The following GAD1 variants were observed in gnomAD, a reference collection of about 807,000 sequenced individuals.
The protein encoded by GAD1 is glutamate decarboxylase 1, also known as 67 kDa glutamic acid decarboxylase.
In GAD1, 35 loss-of-function variants were observed where a neutral mutation model predicts 75.2. The observed-to-expected ratio is 0.47, with a 90% CI of 0.36 to 0.62. The LOEUF (loss-of-function observed/expected upper bound fraction) is 0.62, where lower values mean the gene tolerates loss of function less well. Ranked by LOEUF, GAD1 falls within the 20% of genes least tolerant of loss-of-function variation. The pLI is 0.00. For synonymous variants in GAD1, 257 were observed against 271.9 expected, an observed-to-expected ratio of 0.95 and a Z score of 0.54; for missense variants, 490 against 758.5, an observed-to-expected ratio of 0.65 and a Z score of 4.16.
At position 170,822,134 on chromosome 2, in the gene GAD1, G is replaced by C. The variant is rs757217369; in HGVS notation, c.130G>C (p.Gly44Arg). ...GGCCCATGGATGCACCAGAAAACTG[G>C]GGCTCAAGATCTGCGGTAAGTGACA... ...GVAHGCTRKL[G>R]LKICGFLQRT... is the part of the protein sequence containing the mutation. Residue 44 changes from glycine (G) to arginine (R), a missense_variant, in exon 3 of 17, where the codon GGG becomes CGG. By Grantham distance (125) the Gly-to-Arg change is moderately radical. Coordinates refer to ENST00000358196, the MANE Select transcript of GAD1 (RefSeq NM_000817.3). 3.1e-6 allele frequency: 5 copies of C among 1,612,622 alleles called. No homozygotes were observed. The South Asian group carries it at 4.4e-5, about 14-fold the overall frequency.
chr2:170,821,831 A>G (rs1575423440), intron 2 of GAD1: 2 of 523,998 alleles, frequency 3.8e-6, no homozygotes, highest in Non-Finnish European at 6.9e-6. Flanking sequence ...ACGGGCCCGG[A>G]GGGGCGCCGG....
At chr2:170,839,930 A>T (rs1575438283) in intron 6 of GAD1, among the ~76,000 whole-genome samples, 2 of 152,340 alleles carry the variant, frequency 1.3e-5, no homozygotes, top group African/African-American at 4.8e-5. Context: ...TTTTCATAGA[A>T]AATATCCAGG....
chr2:170,815,407 C>T (rs1575418010), upstream of GAD1, among the ~76,000 whole-genome samples: 1 of 152,212 alleles, frequency 6.6e-6, no homozygotes, highest in Non-Finnish European at 1.5e-5. Flanking sequence ...TTATTTCAAA[C>T]CCCACAGCGA....
rs1021128997 is a variant in GAD1, at chr2:170,822,080, G to T, written c.83-7G>T. 1 of 1,606,432 alleles carries T rather than the reference G, an allele frequency of 6.2e-7. No individual in the cohort carries two copies. The highest frequency in any genetic ancestry group is 8.5e-7 in the Non-Finnish European group (1 of 1,176,842). ...AACCGAACCTCTCTCCCTCTCTCTCGTCCTAGCGTACGATACCTGGTGCGG... is the reference window on the plus strand; with the variant it reads ...AACCGAACCTCTCTCCCTCTCTCTCTTCCTAGCGTACGATACCTGGTGCGG... On this transcript the variant is annotated splice_polypyrimidine_tract_variant and splice_region_variant and intron_variant, in intron 2 of 16. Transcript: ENST00000358196.
chr2:170,818,716 G>C lies in GAD1; in HGVS notation c.82+43G>C, dbSNP rs766712707. On this transcript the variant is annotated intron_variant, in intron 2 of 16. Coordinates refer to ENST00000358196, the MANE Select transcript of GAD1 (RefSeq NM_000817.3). This position sits in a 1 kb window ranked among gnomAD's most constrained non-coding sequence, Gnocchi z 5.9. ...TTTCTATCAAATGAACTGCAGGGAA[G>C]ATGGGGGCGCTGGGACGTCGGGAGG... 1.6e-5 allele frequency: 26 copies of C among 1,586,186 alleles called. No homozygotes were observed. Among genetic ancestry groups the C allele is most frequent in the Non-Finnish European group, 2.2e-5 (25 of 1,154,624 alleles).
At chr2:170,824,856 G>A (rs887941498) in intron 3 of GAD1, among the ~76,000 whole-genome samples, 1 of 152,104 alleles carries the variant, frequency 6.6e-6, no homozygotes, top group Admixed American at 6.5e-5. Context: ...ACTTCCCAGG[G>A]TGTCCTTGGG....
chr2:170,831,244 AC>A, intron 5 of GAD1, 52 bp downstream of exon 5: 1 of 1,597,794 alleles, frequency 6.3e-7, no homozygotes, highest in Non-Finnish European at 8.6e-7. Flanking sequence ...CCTCCATCTC[AC>A]CCTTGCCAGT....
chr2:170,834,022 G>C (rs1334544825), intron 5 of GAD1, among the ~76,000 whole-genome samples: 1 of 151,924 alleles, frequency 6.6e-6, no homozygotes, highest in Non-Finnish European at 1.5e-5. Context: ...AAGAGAGAGA[G>C]AGAGAGAAAG....
chr2:170,831,198 G>C lies in GAD1; in HGVS notation c.547+6G>C, dbSNP rs1702213481. ...GAAGTATGGGGTTCGCACAGGTAAG[G>C]AGGAGAGTTGGGTAGACAGGTAGTG... On this transcript the variant is annotated splice_donor_region_variant and intron_variant, in intron 5 of 16. Transcript: ENST00000358196. The C allele has an allele frequency of 6.2e-7, 1 of 1,614,028 alleles. No individual in the cohort carries two copies. The highest frequency in any genetic ancestry group is 1.3e-5 in the African/African-American group (1 of 74,906).
intron 1 of GAD1, 177 bp downstream of exon 1, chr2:170,817,225 A>ACCCCCCCCCCCCCCCC (rs3049870): frequency 5.8e-4 from 9 of 15,472 alleles, no homozygotes; most frequent in Non-Finnish European, 1.1e-3. Context: ...CTGCGCAGGG[A>ACCCCCCCCCCCCCCCC]CCCCCCCCCC....
chr2:170,853,169 A>T lies in GAD1; in HGVS notation c.1263+377A>T, dbSNP rs185223375. ...GGAGCATACTCGGAGTTCTTAGTAT[A>T]AACGTGTGGTCCCAAGAACTGAAAT... On this transcript the variant is annotated intron_variant, in intron 13 of 16. Coordinates refer to ENST00000358196, the MANE Select transcript of GAD1 (RefSeq NM_000817.3). This position sits in a 1 kb window ranked among gnomAD's most constrained non-coding sequence, Gnocchi z 4.1. 5.4e-4 allele frequency: 164 copies of T among 305,360 alleles called. No homozygotes were observed. Among genetic ancestry groups the T allele is most frequent in the Admixed American group, 9.8e-4 (22 of 22,530 alleles). 18.9% of individuals were successfully genotyped at this position (305,360 alleles called of 1,614,324 possible). A position where few individuals can be genotyped will look rare whatever the true frequency, so the allele number is the denominator to read the frequency against.
At chr2:170,813,762 A>G (rs1182271729), upstream of GAD1, among the ~76,000 whole-genome samples, 1 of 152,236 alleles carries the variant, frequency 6.6e-6, no homozygotes, top group East Asian at 1.9e-4. Context: ...GGGGAAAGGA[A>G]TAAAGGGCAT....
At chr2:170,828,276 T>TTCCCTCTGCGGTCCTCACCTCTCC (rs879567602) in intron 3 of GAD1, among the ~76,000 whole-genome samples, 1 of 81,142 alleles carries the variant, frequency 1.2e-5, no homozygotes, top group African/African-American at 4.9e-5. Flanking sequence ...ACCCCTCCCC[T>TTCCCTCTGCGGTCCTCACCTCTCC]TCCCTCTGCT....
chr2:170,831,688 A>C (rs1050118126), intron 5 of GAD1, among the ~76,000 whole-genome samples: 14 of 144,360 alleles, frequency 9.7e-5, no homozygotes, highest in African/African-American at 3.1e-4. Flanking sequence ...AATATAATAA[A>C]TAAATAATAA....
At position 170,852,635 on chromosome 2, in the gene GAD1, G is replaced by A. The variant is rs114471099; in HGVS notation, c.1185-79G>A. The A allele has an allele frequency of 2.7e-3, 3,116 of 1,170,984 alleles. 6 individuals carry two copies. Among genetic ancestry groups the A allele is most frequent in the Non-Finnish European group, 3.8e-3 (2,930 of 779,108 alleles). 72.5% of individuals were successfully genotyped at this position (1,170,984 alleles called of 1,614,324 possible). On this transcript the variant is annotated intron_variant, in intron 12 of 16. Coordinates refer to ENST00000358196, the MANE Select transcript of GAD1 (RefSeq NM_000817.3). Reference sequence around the variant, plus strand: ...GGATAATATTTACTAACTTGAGTTGGAATGGGTGTTTTCCTCAAGAGAACA... The same window carrying A: ...GGATAATATTTACTAACTTGAGTTGAAATGGGTGTTTTCCTCAAGAGAACA...
In GAD1 at chr2:170,858,877, G is replaced by A. The variant is rs769402; in HGVS notation, c.1595G>A (p.Arg532Gln). The A allele has an allele frequency of 0.011, 17,232 of 1,613,968 alleles. 1,459 individuals are homozygous for A. The African/African-American group carries it at 0.19, about 18-fold the overall frequency. Reference sequence around the variant, plus strand: ...GGTGTGCCAGACAGCCCTCAACGACGGGAAAAGCTACACAAGGTATGGACT... The same window carrying A: ...GGTGTGCCAGACAGCCCTCAACGACAGGAAAAGCTACACAAGGTATGGACT... ...LRGVPDSPQR[R>Q]EKLHKVAPKI... Residue 532 changes from arginine (R) to glutamine (Q), a missense_variant, in exon 16 of 17, where the codon CGG (arginine) becomes CAG (glutamine). Around this residue, in one of 3 missense-constraint regions of GAD1, gnomAD observed 324 missense variants for 523.9 expected, o/e 0.62. Transcript: ENST00000358196.
intron 5 of GAD1, among the ~76,000 whole-genome samples, chr2:170,832,725 A>T (rs1364050707): frequency 1.3e-5 from 2 of 151,794 alleles, no homozygotes; most frequent in Non-Finnish European, 2.9e-5. Context: ...TTCTACTGCA[A>T]CTTCTGGAAC....
chr2:170,845,003 C>T (rs1036719365), intron 7 of GAD1, among the ~76,000 whole-genome samples: 16 of 152,142 alleles, frequency 1.1e-4, no homozygotes, highest in Non-Finnish European at 1.9e-4. Context: ...TTAGAGCTCT[C>T]CTAAATGACT....
intron 3 of GAD1, among the ~76,000 whole-genome samples, chr2:170,828,276 TTCCCTCTGCTGTCCTCACCCTCC>T (rs1365845484): frequency 1.6e-4 from 13 of 81,136 alleles, no homozygotes; most frequent in Non-Finnish European, 2.3e-4. Flanking sequence ...ACCCCTCCCC[TTCCCTCTGCTGTCCTCACCCTCC>T]TCCCTCTGCT....
Sources: allele counts gnomAD v4.1 joint callset (sites outside exome capture counted in the v4.1 genomes callset), GRCh38; gene constraint gnomAD v4.1.1; regional missense constraint gnomAD v4.1.1; non-coding constraint Gnocchi (gnomAD v3.1); transcripts MANE v1.5; gene names NCBI Gene and HGNC (gene_info 2026-07-23, HGNC 2026-07-21).